The following KCNH1 variants were observed in gnomAD, a reference collection of about 807,000 sequenced individuals.
KCNH1 encodes the protein potassium voltage-gated channel subfamily H member 1.
A neutral mutation model predicts 69.2 loss-of-function variants in KCNH1; 27 were observed. That is an observed-to-expected ratio of 0.39 (90% CI 0.29 to 0.54). The LOEUF is 0.54. Ranked by LOEUF, KCNH1 falls within the 20% of genes least tolerant of loss-of-function variation. KCNH1 has a pLI of 0.68. For missense variants in KCNH1, 798 were observed against 1,261.6 expected (o/e 0.63, Z 5.57); for synonymous variants, 456 against 487.7 (o/e 0.93, Z 0.86).
At chr1:211,021,208 A>T (rs1256495789) in intron 5 of KCNH1, among the ~76,000 whole-genome samples, 1 of 152,174 alleles carries the variant, frequency 6.6e-6, no homozygotes, top group Admixed American at 6.5e-5. Context: ...GGTTCAGTGT[A>T]TACTGCTTGG....
intron 7 of KCNH1, among the ~76,000 whole-genome samples, chr1:210,887,216 C>G (rs1056141538): frequency 2.0e-5 from 3 of 152,134 alleles, no homozygotes; most frequent in African/African-American, 7.2e-5. Context: ...AACATACAAG[C>G]TAGAAGAGAG....
chr1:210,718,406 TATATGTATATATATA>T (rs1682330398), intron 10 of KCNH1, among the ~76,000 whole-genome samples: 1 of 58,780 alleles, frequency 1.7e-5, no homozygotes, highest in Admixed American at 2.8e-4. Flanking sequence ...AATATATGCA[TATATGTATATATATA>T]AAATATATAC....
intron 7 of KCNH1, among the ~76,000 whole-genome samples, chr1:210,885,365 G>A (rs956395949): frequency 3.3e-5 from 5 of 152,220 alleles, no homozygotes; most frequent in Non-Finnish European, 5.9e-5. Context: ...GTGAGGAATA[G>A]TGCACTCTGG....
At chr1:210,860,036 G>C (rs1157319289) in intron 7 of KCNH1, 11 of 1,508,792 alleles carry the variant, frequency 7.3e-6, no homozygotes, top group Middle Eastern at 1.7e-4. Flanking sequence ...GACGCCCTTT[G>C]CACTGCAGAA....
intron 10 of KCNH1, among the ~76,000 whole-genome samples, chr1:210,715,700 A>G (rs1682215072): frequency 6.6e-6 from 1 of 152,196 alleles, no homozygotes; most frequent in Non-Finnish European, 1.5e-5. Context: ...AAGTGGGGCT[A>G]GAGGTTCTAG....
intron 6 of KCNH1, among the ~76,000 whole-genome samples, chr1:210,935,778 T>C (rs991492144): frequency 1.3e-5 from 2 of 152,226 alleles, no homozygotes; most frequent in Admixed American, 6.5e-5. Flanking sequence ...CCTATTTTAG[T>C]GAGCTTTATC....
chr1:211,104,995 T>G (rs1167361018), intron 2 of KCNH1, among the ~76,000 whole-genome samples: 1 of 152,198 alleles, frequency 6.6e-6, no homozygotes, highest in Non-Finnish European at 1.5e-5. Context: ...TTCCAAATTC[T>G]GGTACCCAAT....
intron 10 of KCNH1, among the ~76,000 whole-genome samples, chr1:210,714,743 T>TTATC (rs1247158740): frequency 2.6e-5 from 4 of 152,142 alleles, no homozygotes; most frequent in Non-Finnish European, 5.9e-5. Context: ...ATTTTTGCCT[T>TTATC]TATCTTTTGT....
chr1:210,842,516 A>G (rs963918038), intron 7 of KCNH1, among the ~76,000 whole-genome samples: 11 of 152,174 alleles, frequency 7.2e-5, no homozygotes, highest in African/African-American at 2.4e-4. Flanking sequence ...AATTCAACTG[A>G]CATCTACTGA....
At chr1:210,722,079 C>T (rs550437362) in intron 10 of KCNH1, among the ~76,000 whole-genome samples, 37 of 152,230 alleles carry the variant, frequency 2.4e-4, no homozygotes, top group African/African-American at 8.7e-4. Context: ...AGCAGGCCAA[C>T]GACTAGAGCT....
At position 210,682,194 on chromosome 1, in the gene KCNH1, C is replaced by T. The variant is rs773923496; in HGVS notation, c.*1087G>A. The T allele has an allele frequency of 1.3e-5, 2 of 152,188 alleles. No homozygotes were observed. Among genetic ancestry groups the T allele is most frequent in the Non-Finnish European group, 2.9e-5 (2 of 68,038 alleles). 9.4% of individuals were successfully genotyped at this position (152,188 alleles called of 1,614,324 possible). ...CTGACTTTAATAGGAAATAGAGAGA[C>T]TGGCTTTAAAATAAGGCCCAGCATG... On this transcript the variant is annotated 3_prime_UTR_variant, in exon 11 of 11. Transcript: ENST00000271751.
intron 4 of KCNH1, among the ~76,000 whole-genome samples, chr1:211,089,037 A>G (rs539443227): frequency 6.6e-6 from 1 of 152,198 alleles, no homozygotes; most frequent in Non-Finnish European, 1.5e-5. Flanking sequence ...TGATTTTCCT[A>G]CTAAATAATA....
At chr1:210,955,114 A>G (rs930658686) in intron 6 of KCNH1, among the ~76,000 whole-genome samples, 24 of 152,160 alleles carry the variant, frequency 1.6e-4, no homozygotes. Flanking sequence ...TCAGCTTTCT[A>G]CATATGGCTA....
chr1:211,021,155 G>A (rs965064217), intron 5 of KCNH1, among the ~76,000 whole-genome samples: 1 of 152,112 alleles, frequency 6.6e-6, no homozygotes, highest in Non-Finnish European at 1.5e-5. Flanking sequence ...GACTCAGGAG[G>A]AAAGGGTGGG....
chr1:210,796,207 G>A (rs1684312360), intron 9 of KCNH1, among the ~76,000 whole-genome samples: 1 of 151,566 alleles, frequency 6.6e-6, no homozygotes, highest in South Asian at 2.1e-4. Context: ...ATGGATTGAA[G>A]CAGAGGTTTT....
chr1:210,932,600 G>C (rs971152236), intron 6 of KCNH1, among the ~76,000 whole-genome samples: 1 of 151,902 alleles, frequency 6.6e-6, no homozygotes, highest in Non-Finnish European at 1.5e-5. Flanking sequence ...CCAACTACAT[G>C]CTACCTAAAA....
chr1:210,806,819 A>T (rs1369488176), intron 7 of KCNH1, among the ~76,000 whole-genome samples: 469 of 29,672 alleles, frequency 0.016, 67 homozygotes, highest in African/African-American at 0.028. Flanking sequence ...AAAAAAAAAA[A>T]AAAAAAAAAA....
Position 210,752,384 on chromosome 1 carries a change from G to A in KCNH1, c.2112+22964C>T, listed in dbSNP as rs551811849. 2.0e-5 allele frequency among the ~76,000 whole-genome samples: 3 copies of A among 152,306 alleles called. No individual in the cohort carries two copies. In the East Asian group the frequency reaches 5.8e-4, roughly 29 times the overall value. ...CAAATCTCTTTCCTGAGATCCTGAT[G>A]TCCGCTGTGCTTTGTGAATCTCTCC... On this transcript the variant is annotated intron_variant, in intron 10 of 10. Coordinates refer to ENST00000271751, the MANE Select transcript of KCNH1 (RefSeq NM_172362.3).
chr1:210,959,945 C>A (rs1015277237), intron 6 of KCNH1, among the ~76,000 whole-genome samples: 5 of 152,306 alleles, frequency 3.3e-5, no homozygotes, highest in Admixed American at 6.5e-5. Context: ...TGAGATGAAC[C>A]AGGTACCTCA....
Sources: gnomAD v4.1 joint callset for allele counts (sites outside exome capture counted in the v4.1 genomes callset) on GRCh38, gnomAD v4.1.1 for gene constraint, MANE v1.5 for transcripts, NCBI Gene and HGNC (gene_info 2026-07-23, HGNC 2026-07-21) for gene names.